GPR180: variants seen among roughly 807,000 people sequenced by gnomAD.
GPR180 encodes integral membrane protein GPR180.
GPR180 carries 53 observed loss-of-function variants against 52.6 expected under a neutral mutation model. That is an observed-to-expected ratio of 1.01 (90% CI 0.81 to 1.27). GPR180 has a LOEUF of 1.27. Ranked by LOEUF, GPR180 falls within the 50% of genes most tolerant of loss-of-function variation. The pLI is 0.00. For missense variants in GPR180, 533 were observed against 527.0 expected, an observed-to-expected ratio of 1.01 and a Z score of -0.11; for synonymous variants, 200 against 193.1, an observed-to-expected ratio of 1.04 and a Z score of -0.30.
At position 94,623,235 on chromosome 13, in the gene GPR180, C is replaced by T; in HGVS notation, c.1021C>T (p.Leu341Phe). 1.2e-6 allele frequency: 2 copies of T among 1,613,954 alleles called. No individual in the cohort carries two copies. Among genetic ancestry groups the T allele is most frequent in the Non-Finnish European group, 8.5e-7 (1 of 1,179,882 alleles). The change falls in exon 7 of 9, where the codon CTC becomes TTC. Residue 341 changes from leucine (L) to phenylalanine (F), a missense_variant. Leu to Phe is a conservative substitution (Grantham distance 22). Coordinates refer to ENST00000376958, the MANE Select transcript of GPR180 (RefSeq NM_180989.6). ...ICLALSLGCG[L>F]YQIITVERST... The stretch of plus-strand genomic sequence containing the variant: ...CCTAGCATTGTCATTAGGCTGTGGA[C>T]TCTATCAGATCATCACAGTGGAGAG...
At chr13:94,613,867 CTTT>C (rs770192473) in intron 3 of GPR180, among the ~76,000 whole-genome samples, 4 of 133,852 alleles carry the variant, frequency 3.0e-5, no homozygotes, top group African/African-American at 1.1e-4. Flanking sequence ...TCCTCAGGTC[CTTT>C]TTTTTTTTTT....
At chr13:94,619,606 C>CA in intron 5 of GPR180, 89 bp downstream of exon 5, 2 of 1,119,282 alleles carry the variant, frequency 1.8e-6, no homozygotes, top group Non-Finnish European at 2.6e-6. Flanking sequence ...AATTTTCTGT[C>CA]GAAAATTGTT....
intron 2 of GPR180, among the ~76,000 whole-genome samples, chr13:94,608,546 A>G (rs1407091243): frequency 6.6e-6 from 1 of 152,174 alleles, no homozygotes; most frequent in Non-Finnish European, 1.5e-5. Flanking sequence ...GTACTTCACC[A>G]ATTTTTTTTT....
intron 2 of GPR180, among the ~76,000 whole-genome samples, chr13:94,606,322 C>T (rs117721164): frequency 4.9e-4 from 75 of 152,252 alleles, no homozygotes; most frequent in Non-Finnish European, 9.9e-4. Context: ...GATGTACCAC[C>T]ACCACATCAT....
Position 94,612,391 on chromosome 13 carries a change from G to T in GPR180, c.505+1G>T, listed in dbSNP as rs1184930121. On this transcript the variant is annotated splice_donor_variant, in intron 3 of 8. Coordinates refer to ENST00000376958, the MANE Select transcript of GPR180 (RefSeq NM_180989.6). LOFTEE classifies it high-confidence loss of function. Reference sequence around the variant, plus strand: ...GATCATTTTAGTGCTGGAGAATCTGGTAAGAATATGTATTTGAATATATCC... The same window carrying T: ...GATCATTTTAGTGCTGGAGAATCTGTTAAGAATATGTATTTGAATATATCC... The T allele has an allele frequency of 1.9e-6, 3 of 1,578,102 alleles. No individual in the cohort carries two copies. Among genetic ancestry groups the T allele is most frequent in the Non-Finnish European group, 2.6e-6 (3 of 1,147,108 alleles).
chr13:94,618,951 C>G (rs945953890), intron 3 of GPR180, among the ~76,000 whole-genome samples, 199 bp from the exon 4 acceptor site: 20 of 152,070 alleles, frequency 1.3e-4, no homozygotes, highest in African/African-American at 4.8e-4. Flanking sequence ...GTTTAATCTG[C>G]TTTCTTGTAG....
At position 94,612,221 on chromosome 13, in the gene GPR180, A is replaced by C; in HGVS notation, c.336A>C (p.Thr112=). The change falls in exon 3 of 9, where the codon ACA becomes ACC. Residue 112 remains threonine, a synonymous_variant. Coordinates refer to ENST00000376958, the MANE Select transcript of GPR180 (RefSeq NM_180989.6). Reference sequence around the variant, plus strand: ...TGAACCAGACCGAACATAATCTGACAGTGTCCCAGATTCCGTCTCCACAAA... The same window carrying C: ...TGAACCAGACCGAACATAATCTGACCGTGTCCCAGATTCCGTCTCCACAAA... ...MTMNQTEHNL[T]VSQIPSPQTW... 1 of 1,614,188 alleles carries C rather than the reference A, an allele frequency of 6.2e-7. No homozygotes were observed. The highest frequency in any genetic ancestry group is 8.5e-7 in the Non-Finnish European group (1 of 1,180,002).
chr13:94,603,450 A>G (rs1321040950), intron 1 of GPR180, among the ~76,000 whole-genome samples: 1 of 152,210 alleles, frequency 6.6e-6, no homozygotes, highest in Non-Finnish European at 1.5e-5. Context: ...GATTGGGGAT[A>G]AGGTGTTTCA....
chr13:94,612,255 G>A lies in GPR180; in HGVS notation c.370G>A (p.Val124Met). The change falls in exon 3 of 9, where the codon GTG (valine) becomes ATG (methionine). Residue 124 changes from valine to methionine, a missense_variant. Coordinates refer to ENST00000376958, the MANE Select transcript of GPR180 (RefSeq NM_180989.6). ...GATTCCGTCTCCACAAACGTGGCAT[G>A]TGTTTTATGCAGACAAGTATACATG... ...SQIPSPQTWH[V>M]FYADKYTCQD... The A allele has an allele frequency of 6.2e-7, 1 of 1,614,036 alleles. No individual in the cohort carries two copies. Among genetic ancestry groups the A allele is most frequent in the Non-Finnish European group, 8.5e-7 (1 of 1,179,898 alleles).
intron 7 of GPR180, among the ~76,000 whole-genome samples, chr13:94,624,664 T>G (rs1311622161): frequency 1.3e-5 from 2 of 152,134 alleles, no homozygotes; most frequent in Non-Finnish European, 2.9e-5. Flanking sequence ...TTCATGCCAT[T>G]CTCCTGCCTC....
chr13:94,606,700 C>G (rs1889636709), intron 2 of GPR180, among the ~76,000 whole-genome samples: 1 of 152,172 alleles, frequency 6.6e-6, no homozygotes, highest in Non-Finnish European at 1.5e-5. Context: ...TGGCTTTTAT[C>G]TTATCAGCTG....
Position 94,619,516 on chromosome 13 carries a change from A to G in GPR180, c.735A>G (p.Glu245=), listed in dbSNP as rs907465365. 1.2e-6 allele frequency: 2 copies of G among 1,612,172 alleles called. No homozygotes were observed. Among genetic ancestry groups the G allele is most frequent in the South Asian group, 1.1e-5 (1 of 90,884 alleles). The part of the protein sequence containing the change: ...IGVPFMGSLA[E]FFDIASQIQM... ...TACCATTTATGGGAAGTTTGGCAGAATGTGAGTATCTTTCTGAGCATTTTT... is the reference window on the plus strand; with the variant it reads ...TACCATTTATGGGAAGTTTGGCAGAGTGTGAGTATCTTTCTGAGCATTTTT... The change falls in exon 5 of 9, where the codon GAA becomes GAG. Residue 245 remains glutamate, a splice_region_variant and synonymous_variant. Transcript: ENST00000376958.
chr13:94,612,573 T>C (rs1238060584), intron 3 of GPR180, among the ~76,000 whole-genome samples, 183 bp downstream of exon 3: 1 of 152,192 alleles, frequency 6.6e-6, no homozygotes, highest in African/African-American at 2.4e-5. Flanking sequence ...AGCAGAGTAT[T>C]ACTTGAGTGT....
intron 2 of GPR180, among the ~76,000 whole-genome samples, chr13:94,608,709 C>A (rs549485095): frequency 9.9e-5 from 15 of 152,214 alleles, no homozygotes; most frequent in African/African-American, 3.6e-4. Context: ...TTCCTTATAG[C>A]AAGTGCTTTT....
At position 94,612,215 on chromosome 13, in the gene GPR180, T is replaced by C. The variant is rs1199256730; in HGVS notation, c.330T>C (p.Asn110=). 1.2e-6 allele frequency: 2 copies of C among 1,614,130 alleles called. No homozygotes were observed. The highest frequency in any genetic ancestry group is 1.7e-6 in the Non-Finnish European group (2 of 1,179,976). Residue 110 remains asparagine (N), a synonymous_variant, in exon 3 of 9, where the codon AAT becomes AAC. Coordinates refer to ENST00000376958, the MANE Select transcript of GPR180 (RefSeq NM_180989.6). ...TGACCATGAACCAGACCGAACATAA[T>C]CTGACAGTGTCCCAGATTCCGTCTC... ...LTMTMNQTEH[N]LTVSQIPSPQ... is the part of the protein sequence containing the mutation.
In GPR180 at chr13:94,601,885, G is replaced by A. The variant is rs764463028; in HGVS notation, c.-43G>A. On this transcript the variant is annotated 5_prime_UTR_variant, in exon 1 of 9. Transcript: ENST00000376958. ...TGCCGACGTGGGGCGGGCAGCCGCC[G>A]GCGGCTGGGAGCCGAGGCGTCGGTG... The A allele has an allele frequency of 1.5e-6, 2 of 1,343,006 alleles. No individual in the cohort carries two copies. The highest frequency in any genetic ancestry group is 1.5e-5 in the African/African-American group (1 of 65,374). 83.2% of individuals were successfully genotyped at this position (1,343,006 alleles called of 1,614,324 possible).
intron 4 of GPR180, 36 bp from the exon 5 acceptor site, chr13:94,619,432 A>G (rs1284900853): frequency 8.1e-6 from 13 of 1,604,970 alleles, no homozygotes; most frequent in Middle Eastern, 1.7e-4. Context: ...TTTTTTTCAC[A>G]TTTGTAATTT....
chr13:94,610,024 A>G (rs914043245), intron 2 of GPR180, among the ~76,000 whole-genome samples: 2 of 152,192 alleles, frequency 1.3e-5, no homozygotes, highest in Non-Finnish European at 2.9e-5. Flanking sequence ...CAGCATCCAT[A>G]TATCCTCTGC....
Position 94,601,923 on chromosome 13 carries a change from C to T in GPR180, c.-5C>T. 1 of 1,483,576 alleles carries T rather than the reference C, an allele frequency of 6.7e-7. No individual in the cohort carries two copies. The allele number at this position is 1,483,576 out of a possible 1,614,324, so 91.9% of individuals were successfully genotyped here. A position where few individuals can be genotyped will look rare whatever the true frequency, so the allele number is the denominator to read the frequency against. ...CGAGGCGTCGGTGCAGACCTGGAGA[C>T]GGGCATGGGGGGGCTGCGGCTGCTG... is the stretch of plus-strand genomic sequence containing the variant. On this transcript the variant is annotated 5_prime_UTR_variant, in exon 1 of 9. In the 5' UTR this introduces an upstream ATG that the reference lacks. Transcript: ENST00000376958.
Sources: gnomAD v4.1 joint callset for allele counts (sites outside exome capture counted in the v4.1 genomes callset) on GRCh38, gnomAD v4.1.1 for gene constraint, MANE v1.5 for transcripts, NCBI Gene and HGNC (gene_info 2026-07-23, HGNC 2026-07-21) for gene names.